ESYT2: variants seen among roughly 807,000 people sequenced by gnomAD.
The protein encoded by ESYT2 is extended synaptotagmin 2, also known as extended synaptotagmin-2.
In ESYT2, 54 loss-of-function variants were observed where a neutral mutation model predicts 107.2. The ratio of observed to expected loss-of-function variants is 0.50; its 90% CI spans 0.40 to 0.63. The LOEUF is 0.63. Among genes scored for constraint, ESYT2 ranks in the 30% least tolerant of loss-of-function variants. The probability of loss-of-function intolerance (pLI) is 0.00; values close to 1 mark genes in which losing one functional copy is unlikely to be tolerated. For missense variants in ESYT2, 1,020 were observed against 1,094.5 expected, an observed-to-expected ratio of 0.93 and a Z score of 0.96; for synonymous variants, 491 against 434.1, an observed-to-expected ratio of 1.13 and a Z score of -1.63.
chr7:158,780,996 G>A (rs1265217856), intron 6 of ESYT2, among the ~76,000 whole-genome samples: 2 of 152,150 alleles, frequency 1.3e-5, no homozygotes, highest in African/African-American at 4.8e-5. Flanking sequence ...AAGAGGGACA[G>A]AGAACTAATG....
At chr7:158,815,484 T>C (rs992618036) in intron 1 of ESYT2, among the ~76,000 whole-genome samples, 2 of 152,130 alleles carry the variant, frequency 1.3e-5, no homozygotes, top group African/African-American at 4.8e-5. Flanking sequence ...TTCCCCCTCA[T>C]GCTTAGATAT....
chr7:158,763,068 A>C lies in ESYT2; in HGVS notation c.1184+15T>G, dbSNP rs767751166. The C allele has an allele frequency of 8.1e-6, 13 of 1,602,562 alleles. No homozygotes were observed. The African/African-American group carries it at 1.6e-4, about 20-fold the overall frequency. ...CCCATGCCCTCCTCCAATAACCACA[A>C]TGGGCTTTATTTACCTTCCTAAAAA... On this transcript the variant is annotated intron_variant, in intron 10 of 22. Coordinates refer to ENST00000275418, the MANE Select transcript of ESYT2 (RefSeq NM_001367773.1).
At chr7:158,801,599 C>T (rs1398053913) in intron 1 of ESYT2, among the ~76,000 whole-genome samples, 2 of 119,542 alleles carry the variant, frequency 1.7e-5, no homozygotes, top group African/African-American at 3.5e-5. Flanking sequence ...CTCAATCACA[C>T]AGGAACACAG....
chr7:158,767,614 A>G (rs1838207389), intron 8 of ESYT2, 40 bp downstream of exon 8: 1 of 1,594,340 alleles, frequency 6.3e-7, no homozygotes. Flanking sequence ...CAGGTCTCCA[A>G]GATGTTTTTA....
At chr7:158,782,768 ATG>A (rs34404444) in intron 6 of ESYT2, among the ~76,000 whole-genome samples, 16,469 of 152,166 alleles carry the variant, frequency 0.11, 930 homozygotes, top group African/African-American at 0.13. Context: ...AAGTGTGAAA[ATG>A]TGTGTCCATG....
At chr7:158,743,131 T>C (rs887840500) in intron 17 of ESYT2, among the ~76,000 whole-genome samples, 1 of 152,226 alleles carries the variant, frequency 6.6e-6, no homozygotes, top group Non-Finnish European at 1.5e-5. Context: ...TTCTACTGTC[T>C]CGTGGAGTTT....
intron 1 of ESYT2, among the ~76,000 whole-genome samples, chr7:158,814,000 C>T (rs866838297): frequency 2.6e-5 from 4 of 151,854 alleles, no homozygotes; most frequent in African/African-American, 4.8e-5. Flanking sequence ...TCAGGCCAGA[C>T]GCGGTGGCTA....
intron 1 of ESYT2, among the ~76,000 whole-genome samples, chr7:158,814,066 G>C (rs1213603164): frequency 6.6e-6 from 1 of 151,966 alleles, no homozygotes. Context: ...GAGGTCAGGA[G>C]ACAGAGATCA....
At position 158,782,022 on chromosome 7, in the gene ESYT2, G is replaced by C. The variant is rs576310874; in HGVS notation, c.747+5982C>G. Among the ~76,000 whole-genome samples, 6 of 151,658 alleles carry C rather than the reference G, an allele frequency of 4.0e-5. No individual in the cohort carries two copies. The East Asian group carries it at 1.2e-3, about 30-fold the overall frequency. ...GAGAACAAGTGTGTGAACAAAGTGA[G>C]GTGTAAGTGCAAGAACGAGAACAAG... On this transcript the variant is annotated intron_variant, in intron 6 of 22. Coordinates refer to ENST00000275418, the MANE Select transcript of ESYT2 (RefSeq NM_001367773.1).
intron 6 of ESYT2, among the ~76,000 whole-genome samples, chr7:158,776,818 A>G (rs1393886303): frequency 6.7e-6 from 1 of 149,730 alleles, no homozygotes; most frequent in African/African-American, 2.5e-5. Context: ...GGCTTTCAAC[A>G]TGGCTTCTTC....
At chr7:158,775,601 G>A (rs1838534819) in intron 6 of ESYT2, among the ~76,000 whole-genome samples, 1 of 152,150 alleles carries the variant, frequency 6.6e-6, no homozygotes, top group Non-Finnish European at 1.5e-5. Flanking sequence ...CTTAAACTTT[G>A]ATCCTGAGAC....
intron 13 of ESYT2, among the ~76,000 whole-genome samples, chr7:158,757,691 T>G (rs961584702): frequency 3.3e-5 from 5 of 152,120 alleles, no homozygotes; most frequent in Non-Finnish European, 5.9e-5. Flanking sequence ...TTGCTTCTGA[T>G]GGCCACAGCA....
At chr7:158,782,385 G>GGTGTGA (rs147060839) in intron 6 of ESYT2, among the ~76,000 whole-genome samples, 2 of 86,630 alleles carry the variant, frequency 2.3e-5, no homozygotes, top group African/African-American at 7.0e-5. Flanking sequence ...AACAAAGTGA[G>GGTGTGA]GTAAGAACGA....
chr7:158,741,193 G>A (rs961514877), intron 18 of ESYT2, among the ~76,000 whole-genome samples: 5 of 152,222 alleles, frequency 3.3e-5, no homozygotes, highest in Non-Finnish European at 7.3e-5. Flanking sequence ...CCGCGGGCCA[G>A]CTCTGCGTCT....
intron 14 of ESYT2, among the ~76,000 whole-genome samples, chr7:158,750,037 A>G (rs1037604010): frequency 1.3e-5 from 2 of 152,240 alleles, no homozygotes; most frequent in African/African-American, 4.8e-5. Context: ...ATTTACAAGG[A>G]TAACGAAAAT....
chr7:158,761,664 A>G, intron 10 of ESYT2, 120 bp from the exon 11 acceptor site: 4 of 853,444 alleles, frequency 4.7e-6, no homozygotes, highest in Non-Finnish European at 7.5e-6. Context: ...TCTATGAACA[A>G]GCACTCCAGA....
chr7:158,796,040 C>A (rs749813567), intron 3 of ESYT2, among the ~76,000 whole-genome samples: 1 of 152,138 alleles, frequency 6.6e-6, no homozygotes, highest in African/African-American at 2.4e-5. Context: ...ACACTGGTGC[C>A]CACTAACAGG....
chr7:158,769,613 T>A (rs977963616), intron 7 of ESYT2, among the ~76,000 whole-genome samples: 3 of 152,218 alleles, frequency 2.0e-5, no homozygotes, highest in Non-Finnish European at 4.4e-5. Context: ...ACCATAATCT[T>A]CACCCTTCTT....
chr7:158,793,040 T>C (rs1256713221), intron 4 of ESYT2, among the ~76,000 whole-genome samples: 1 of 152,038 alleles, frequency 6.6e-6, no homozygotes, highest in Non-Finnish European at 1.5e-5. Flanking sequence ...ATTGCTGGGA[T>C]TACAGGCATG....
Sources: gnomAD v4.1 joint callset for allele counts (sites outside exome capture counted in the v4.1 genomes callset) on GRCh38, gnomAD v4.1.1 for gene constraint, MANE v1.5 for transcripts, NCBI Gene and HGNC (gene_info 2026-07-23, HGNC 2026-07-21) for gene names.